Variants in MEGF11 observed in about 807,000 individuals in gnomAD.
The protein encoded by MEGF11 is multiple EGF like domains 11.
MEGF11 carries 126 observed loss-of-function variants against 146.6 expected under a neutral mutation model. That is an observed-to-expected ratio of 0.86 (90% CI 0.74 to 1.00). The LOEUF is 1.00. MEGF11 is among the 50% of genes least tolerant of loss of function. MEGF11 has a pLI of 0.00. For missense variants in MEGF11, 1,509 were observed against 1,521.2 expected (o/e 0.99, Z 0.13); for synonymous variants, 532 against 583.4 (o/e 0.91, Z 1.27).
chr15:65,908,276 A>G (rs1435087685), intron 23 of MEGF11, among the ~76,000 whole-genome samples: 1 of 152,146 alleles, frequency 6.6e-6, no homozygotes, highest in Non-Finnish European at 1.5e-5. Flanking sequence ...AGCCACCTAG[A>G]GCCTGAGGTC....
intron 19 of MEGF11, 154 bp from the exon 20 acceptor site, chr15:65,914,127 C>T (rs553518667): frequency 4.9e-6 from 3 of 613,438 alleles, no homozygotes. Flanking sequence ...TACCCCCAGC[C>T]CTCACTGTGC....
chr15:65,904,891 T>C (rs535932203), intron 24 of MEGF11, among the ~76,000 whole-genome samples: 1 of 152,362 alleles, frequency 6.6e-6, no homozygotes, highest in South Asian at 2.1e-4. Context: ...CATATCTGTT[T>C]GGCTTAAGCG....
intron 5 of MEGF11, among the ~76,000 whole-genome samples, chr15:66,010,315 C>T (rs1444515630): frequency 6.6e-6 from 1 of 151,816 alleles, no homozygotes; most frequent in Non-Finnish European, 1.5e-5. Flanking sequence ...GCCTCAGCCT[C>T]CTGAGTAGCT....
chr15:66,213,123 ACTGAGACCTGAAAT>A (rs1379085737), intron 1 of MEGF11, among the ~76,000 whole-genome samples: 1 of 152,198 alleles, frequency 6.6e-6, no homozygotes, highest in Non-Finnish European at 1.5e-5. Context: ...GCCACAGCTA[ACTGAGACCTGAAAT>A]CAAAAATCAA....
At chr15:66,088,132 T>C (rs899085742) in intron 5 of MEGF11, among the ~76,000 whole-genome samples, 6 of 152,146 alleles carry the variant, frequency 3.9e-5, no homozygotes, top group African/African-American at 1.4e-4. Flanking sequence ...TCAGGAAGAA[T>C]TAGATACCCT....
At chr15:66,249,581 G>C (rs537212000) in intron 1 of MEGF11, among the ~76,000 whole-genome samples, 45 of 152,294 alleles carry the variant, frequency 3.0e-4, no homozygotes, top group African/African-American at 9.6e-4. Context: ...GGATGGGGAG[G>C]GGGAGGGGAT....
rs963804698 is a variant in MEGF11 at position 66,210,175 on chromosome 15, A to G, written c.-9+43430T>C. On this transcript the variant is annotated intron_variant, in intron 1 of 25. Coordinates refer to ENST00000395614, the MANE Select transcript of MEGF11 (RefSeq NM_001385028.1). ...CATTCATGTCAATATCCTGGTTATG[A>G]CACTGTACTATGGTTTTGCAAGATG... is the stretch of plus-strand genomic sequence containing the variant. 4.6e-5 allele frequency among the ~76,000 whole-genome samples: 7 copies of G among 152,286 alleles called. No individual in the cohort carries two copies. In the South Asian group the frequency reaches 8.3e-4, roughly 18 times the overall value.
chr15:66,099,390 G>A (rs1427232040), intron 4 of MEGF11, among the ~76,000 whole-genome samples: 1 of 151,826 alleles, frequency 6.6e-6, no homozygotes, highest in African/African-American at 2.4e-5. Flanking sequence ...TCACCATGTT[G>A]GCCAGGCTGG....
chr15:66,044,790 C>T (rs1007039648), intron 5 of MEGF11, among the ~76,000 whole-genome samples: 5 of 138,210 alleles, frequency 3.6e-5, no homozygotes, highest in Non-Finnish European at 7.5e-5. Flanking sequence ...GAGTTGGAGG[C>T]TGCAGTGAGC....
intron 1 of MEGF11, among the ~76,000 whole-genome samples, chr15:66,242,299 C>T (rs1176594305): frequency 6.6e-6 from 1 of 151,308 alleles, no homozygotes; most frequent in African/African-American, 2.4e-5. Flanking sequence ...TTCCCAGCTA[C>T]TTGGGAGGTT....
intron 1 of MEGF11, among the ~76,000 whole-genome samples, chr15:66,210,104 G>A (rs185446339): frequency 2.0e-5 from 3 of 152,182 alleles, no homozygotes; most frequent in African/African-American, 7.2e-5. Flanking sequence ...GGGGTTACAG[G>A]TGTGAGCTAC....
intron 1 of MEGF11, among the ~76,000 whole-genome samples, chr15:66,166,150 G>A (rs2090091242): frequency 6.6e-6 from 1 of 152,098 alleles, no homozygotes; most frequent in African/African-American, 2.4e-5. Context: ...TGGGACGGCT[G>A]GTAGCTTCTC....
intron 5 of MEGF11, among the ~76,000 whole-genome samples, chr15:66,080,216 G>A (rs2085789212): frequency 6.6e-6 from 1 of 152,202 alleles, no homozygotes; most frequent in South Asian, 2.1e-4. Flanking sequence ...CTTGAGCACA[G>A]GCTCCTCACA....
intron 5 of MEGF11, among the ~76,000 whole-genome samples, chr15:66,039,233 C>G (rs948097059): frequency 6.6e-6 from 1 of 152,194 alleles, no homozygotes; most frequent in Non-Finnish European, 1.5e-5. Flanking sequence ...TTCCATTCCA[C>G]AGCGAAGAGG....
chr15:66,125,704 T>G (rs1172189574), intron 2 of MEGF11, among the ~76,000 whole-genome samples: 3 of 152,230 alleles, frequency 2.0e-5, no homozygotes, highest in Non-Finnish European at 4.4e-5. Context: ...TAATAGATGT[T>G]GACAGGCAAT....
chr15:65,917,221 G>A (rs1015357838), intron 16 of MEGF11, among the ~76,000 whole-genome samples: 1 of 152,132 alleles, frequency 6.6e-6, no homozygotes, highest in Non-Finnish European at 1.5e-5. Context: ...GAGGGCCCCC[G>A]AGCCTCCCCT....
intron 6 of MEGF11, among the ~76,000 whole-genome samples, chr15:65,981,889 A>G (rs997629285): frequency 2.6e-5 from 4 of 152,092 alleles, no homozygotes; most frequent in African/African-American, 9.7e-5. Flanking sequence ...GACTTTCAAG[A>G]TAAGGGCTGT....
chr15:66,030,259 A>C (rs2083470272), intron 5 of MEGF11, among the ~76,000 whole-genome samples: 1 of 152,168 alleles, frequency 6.6e-6, no homozygotes, highest in South Asian at 2.1e-4. Context: ...ACATTTCCAC[A>C]TCACACCCAG....
At chr15:66,218,326 C>T (rs1204708024) in intron 1 of MEGF11, among the ~76,000 whole-genome samples, 4 of 152,148 alleles carry the variant, frequency 2.6e-5, no homozygotes, top group Admixed American at 2.6e-4. Context: ...AGTGATGATC[C>T]CCAAACGCTG....
Sources: allele counts gnomAD v4.1 joint callset (sites outside exome capture counted in the v4.1 genomes callset), GRCh38; gene constraint gnomAD v4.1.1; transcripts MANE v1.5; gene names NCBI Gene and HGNC (gene_info 2026-07-23, HGNC 2026-07-21).